Variants in RIMS2 observed in about 807,000 individuals in gnomAD.
The protein encoded by RIMS2 is regulating synaptic membrane exocytosis protein 2.
Under a neutral mutation model 174.4 loss-of-function variants are expected in RIMS2, and 59 were observed. The observed-to-expected ratio is 0.34, with a 90% CI of 0.27 to 0.42. RIMS2 has a LOEUF of 0.42. Among genes scored for constraint, RIMS2 ranks in the 10% least tolerant of loss-of-function variants. RIMS2 has a pLI of 1.00. For missense variants in RIMS2, 1,620 were observed against 1,666.3 expected (o/e 0.97, Z 0.48); for synonymous variants, 606 against 572.5 (o/e 1.06, Z -0.84).
At chr8:103,739,847 A>C (rs1020644987) in intron 2 of RIMS2, among the ~76,000 whole-genome samples, 1 of 152,120 alleles carries the variant, frequency 6.6e-6, no homozygotes, top group African/African-American at 2.4e-5. Context: ...AAAACATAGC[A>C]CTTTAGTCTA....
chr8:103,652,631 C>T (rs2135872575), intron 1 of RIMS2: 1 of 1,347,652 alleles, frequency 7.4e-7, no homozygotes, highest in Non-Finnish European at 9.8e-7. Flanking sequence ...CAGGTGGTTT[C>T]CCTTTAGTGG....
At chr8:103,782,535 T>G (rs1323060723) in intron 3 of RIMS2, among the ~76,000 whole-genome samples, 1 of 151,814 alleles carries the variant, frequency 6.6e-6, no homozygotes, top group African/African-American at 2.4e-5. Flanking sequence ...AATCACTTGG[T>G]TAAAGAATGT....
chr8:104,006,164 C>T (rs753743624), intron 17 of RIMS2, among the ~76,000 whole-genome samples: 1 of 152,052 alleles, frequency 6.6e-6, no homozygotes, highest in Non-Finnish European at 1.5e-5. Flanking sequence ...CTAGAATTTT[C>T]CTGCATTTAT....
intron 1 of RIMS2, among the ~76,000 whole-genome samples, chr8:103,572,208 G>A (rs1034116164): frequency 3.9e-5 from 6 of 152,072 alleles, no homozygotes; most frequent in South Asian, 4.1e-4. Context: ...TAAAGGTGCC[G>A]CGGACCCAGA....
At chr8:103,636,461 A>G (rs1251844817) in intron 1 of RIMS2, among the ~76,000 whole-genome samples, 1 of 152,002 alleles carries the variant, frequency 6.6e-6, no homozygotes, top group Non-Finnish European at 1.5e-5. Context: ...AGATCTCCTA[A>G]CTGAAGGTTG....
chr8:103,633,661 T>G (rs13282559), intron 1 of RIMS2, among the ~76,000 whole-genome samples: 27,651 of 152,038 alleles, frequency 0.18, 2,759 homozygotes, highest in African/African-American at 0.26. Flanking sequence ...CATCAGGTCT[T>G]GGGCATTTTT....
chr8:104,097,038 A>T (rs759240389), intron 19 of RIMS2, among the ~76,000 whole-genome samples: 7 of 152,200 alleles, frequency 4.6e-5, no homozygotes, highest in Non-Finnish European at 7.3e-5. Flanking sequence ...TTGGTAGTTG[A>T]TAAACACAAT....
intron 3 of RIMS2, among the ~76,000 whole-genome samples, chr8:103,855,998 C>T (rs375525094): frequency 2.0e-5 from 3 of 152,040 alleles, no homozygotes; most frequent in Admixed American, 2.0e-4. Context: ...TAAGTCTTTT[C>T]GTAGGCCAAG....
At chr8:103,501,878 G>A (rs372807112) in intron 1 of RIMS2, among the ~76,000 whole-genome samples, 1 of 152,106 alleles carries the variant, frequency 6.6e-6, no homozygotes, top group Admixed American at 6.5e-5. Context: ...CAGCACCCAG[G>A]CATGCGTTTA....
At chr8:104,171,154 C>A (rs879576753) in intron 19 of RIMS2, among the ~76,000 whole-genome samples, 1 of 152,038 alleles carries the variant, frequency 6.6e-6, no homozygotes, top group Non-Finnish European at 1.5e-5. Context: ...CCCAGAAGTT[C>A]TTGGAGCTTT....
At chr8:103,778,143 A>G (rs2098339174) in intron 3 of RIMS2, among the ~76,000 whole-genome samples, 1 of 152,072 alleles carries the variant, frequency 6.6e-6, no homozygotes, top group South Asian at 2.1e-4. Flanking sequence ...TTATTGATGT[A>G]TAATACATAT....
At chr8:103,874,879 A>C (rs1177475443) in intron 3 of RIMS2, among the ~76,000 whole-genome samples, 1 of 151,988 alleles carries the variant, frequency 6.6e-6, no homozygotes, top group Non-Finnish European at 1.5e-5. Context: ...TTCTTTCACA[A>C]AGCTCAGCCT....
Position 104,076,843 on chromosome 8 carries a change from G to A in RIMS2, c.3334+62228G>A, listed in dbSNP as rs145835249. 8.4e-5 allele frequency among the ~76,000 whole-genome samples: 12 copies of A among 143,104 alleles called. No homozygotes were observed. The East Asian group carries it at 1.6e-3, about 19-fold the overall frequency. 93.9% of individuals were successfully genotyped at this position (143,104 alleles called of 152,430 possible). A position where few individuals can be genotyped will look rare whatever the true frequency, so the allele number is the denominator to read the frequency against. On this transcript the variant is annotated intron_variant, in intron 19 of 23. Transcript: ENST00000504942. ...TATCTTTTTTTTTTTTTTTTACATA[G>A]TCTCGCTCTGTTGCTCAGGCTGGAG...
chr8:104,183,345 TTTA>T (rs2098950572), intron 19 of RIMS2, among the ~76,000 whole-genome samples: 1 of 151,736 alleles, frequency 6.6e-6, no homozygotes, highest in Non-Finnish European at 1.5e-5. Context: ...ACATAATTAT[TTTA>T]TTATCTTTTT....
At chr8:103,913,363 G>A (rs1183906373) in intron 6 of RIMS2, among the ~76,000 whole-genome samples, 2 of 151,958 alleles carry the variant, frequency 1.3e-5, no homozygotes, top group Non-Finnish European at 2.9e-5. Flanking sequence ...ATTGCCAGGA[G>A]TTCGAGGTTA....
At chr8:104,012,039 A>G (rs2095779160) in intron 17 of RIMS2, among the ~76,000 whole-genome samples, 1 of 151,960 alleles carries the variant, frequency 6.6e-6, no homozygotes, top group South Asian at 2.1e-4. Context: ...TTCTCTTACC[A>G]TTTAACTGTT....
chr8:103,555,812 AAAG>A (rs1274603362), intron 1 of RIMS2, among the ~76,000 whole-genome samples: 10 of 151,746 alleles, frequency 6.6e-5, no homozygotes, highest in Admixed American at 4.6e-4. Context: ...AAAAAAAAAA[AAAG>A]AAAAAAAGTG....
rs747152424 is a variant in RIMS2, at chr8:104,093,453, G to C, written c.3334+78838G>C. 1 of 1,559,054 alleles carries C rather than the reference G, an allele frequency of 6.4e-7. No individual in the cohort carries two copies. The highest frequency in any genetic ancestry group is 1.2e-5 in the South Asian group (1 of 86,582). Reference sequence around the variant, plus strand: ...TAATACTGACAACTTCTGCGTATTTGTCAATCTGTGTTAACAGTATCGATC... The same window carrying C: ...TAATACTGACAACTTCTGCGTATTTCTCAATCTGTGTTAACAGTATCGATC... On this transcript the variant is annotated intron_variant, in intron 19 of 23. Coordinates refer to ENST00000504942, the Ensembl canonical transcript of RIMS2.
intron 1 of RIMS2, among the ~76,000 whole-genome samples, chr8:103,589,380 A>G (rs541049335): frequency 6.6e-6 from 1 of 151,806 alleles, no homozygotes; most frequent in South Asian, 2.1e-4. Flanking sequence ...ATAGTGAGAT[A>G]TCATCTCACT....
Sources: allele counts gnomAD v4.1 joint callset (sites outside exome capture counted in the v4.1 genomes callset), GRCh38; gene constraint gnomAD v4.1.1; transcripts MANE v1.5; gene names NCBI Gene and HGNC (gene_info 2026-07-23, HGNC 2026-07-21).